The following SIN3A variants were observed in gnomAD, a reference collection of about 807,000 sequenced individuals.
The protein encoded by SIN3A is SIN3 transcription regulator family member A.
In SIN3A, 14 loss-of-function variants were observed where a neutral mutation model predicts 146.1. The ratio of observed to expected loss-of-function variants is 0.10; its 90% CI spans 0.06 to 0.15. The LOEUF (loss-of-function observed/expected upper bound fraction) is 0.15. Ranked by LOEUF, SIN3A falls within the 10% of genes least tolerant of loss-of-function variation. The pLI, the probability that SIN3A is intolerant of heterozygous loss-of-function variation, is 1.00. For synonymous variants in SIN3A, 572 were observed against 572.0 expected (o/e 1.00, Z 0.00); for missense variants, 1,028 against 1,576.0 (o/e 0.65, Z 5.89).
chr15:75,382,683 A>T (rs1182521206), intron 17 of SIN3A, among the ~76,000 whole-genome samples: 1 of 152,236 alleles, frequency 6.6e-6, no homozygotes, highest in Non-Finnish European at 1.5e-5. Flanking sequence ...GCAGTGGCTC[A>T]CACCTGTAAT....
chr15:75,439,732 T>C (rs145025134), intron 1 of SIN3A, among the ~76,000 whole-genome samples: 76 of 152,282 alleles, frequency 5.0e-4, no homozygotes, highest in African/African-American at 1.8e-3. Context: ...TAAAGTTTTT[T>C]AGAACTCTTA....
upstream of SIN3A, chr15:75,451,730 A>G (rs1567443448): frequency 2.1e-5 from 3 of 144,160 alleles, no homozygotes; most frequent in Non-Finnish European, 3.0e-5. Context: ...CCCGCCCCGC[A>G]GAGGGAAGAC....
intron 9 of SIN3A, among the ~76,000 whole-genome samples, chr15:75,406,585 G>A (rs949596850): frequency 2.6e-5 from 4 of 152,176 alleles, no homozygotes; most frequent in African/African-American, 9.6e-5. Flanking sequence ...TACTCGGGAG[G>A]CTGAGGCAGG....
intron 16 of SIN3A, among the ~76,000 whole-genome samples, chr15:75,387,416 G>C (rs951148748): frequency 6.6e-6 from 1 of 151,536 alleles, no homozygotes; most frequent in East Asian, 1.9e-4. Context: ...AGCTACTTGG[G>C]AGGCTGAGGT....
chr15:75,402,033 G>T, intron 9 of SIN3A, 63 bp from the exon 10 acceptor site: 1 of 1,036,876 alleles, frequency 9.6e-7, no homozygotes, highest in Non-Finnish European at 1.5e-6. Context: ...ACTGAAAAGG[G>T]CCTCGCTCTG....
chr15:75,384,954 A>C (rs2073051652), intron 16 of SIN3A, among the ~76,000 whole-genome samples: 1 of 152,098 alleles, frequency 6.6e-6, no homozygotes, highest in Non-Finnish European at 1.5e-5. Context: ...TGGGCCAATC[A>C]CCTGAGGTCA....
At chr15:75,405,977 C>T (rs951691995) in intron 9 of SIN3A, among the ~76,000 whole-genome samples, 4 of 152,140 alleles carry the variant, frequency 2.6e-5, no homozygotes, top group African/African-American at 9.7e-5. Flanking sequence ...AAGGACTCAA[C>T]ACTCTTGCAG....
chr15:75,450,123 C>T (rs1401275619), intron 1 of SIN3A, among the ~76,000 whole-genome samples: 1 of 151,764 alleles, frequency 6.6e-6, no homozygotes, highest in Non-Finnish European at 1.5e-5. Flanking sequence ...ACAATGAAAG[C>T]ATTCAAAAAT....
At chr15:75,407,452 G>A (rs975108292) in intron 8 of SIN3A, among the ~76,000 whole-genome samples, 3 of 151,936 alleles carry the variant, frequency 2.0e-5, no homozygotes, top group Non-Finnish European at 4.4e-5. Flanking sequence ...TTTTTCTAGG[G>A]GCCCAAAGTA....
chr15:75,387,963 C>A (rs770720183), intron 16 of SIN3A, among the ~76,000 whole-genome samples: 1 of 152,176 alleles, frequency 6.6e-6, no homozygotes, highest in Non-Finnish European at 1.5e-5. Flanking sequence ...TATCTGACAA[C>A]TTTCCCCCAG....
intron 16 of SIN3A, among the ~76,000 whole-genome samples, chr15:75,387,207 T>G (rs927861389): frequency 6.6e-6 from 1 of 151,382 alleles, no homozygotes; most frequent in Non-Finnish European, 1.5e-5. Flanking sequence ...GTTAAAGGAG[T>G]TGAGAAGCTT....
At chr15:75,437,108 T>C (rs74023990) in intron 1 of SIN3A, among the ~76,000 whole-genome samples, 1,669 of 151,824 alleles carry the variant, frequency 0.011, 36 homozygotes, top group African/African-American at 0.038. Flanking sequence ...AGCCAAGTCT[T>C]CCATGTATGA....
intron 1 of SIN3A, among the ~76,000 whole-genome samples, chr15:75,450,111 G>A (rs907505465): frequency 2.0e-5 from 3 of 151,834 alleles, no homozygotes; most frequent in Non-Finnish European, 4.4e-5. Context: ...AGAACCATGT[G>A]CACAATGAAA....
chr15:75,389,282 G>GAC (rs2073151774), intron 16 of SIN3A, among the ~76,000 whole-genome samples: 1 of 146,406 alleles, frequency 6.8e-6, no homozygotes, highest in African/African-American at 2.6e-5. Context: ...GCAAAACAGT[G>GAC]ACACCCTGTC....
At chr15:75,451,943 G>A (rs1234628967), upstream of SIN3A, among the ~76,000 whole-genome samples, 2 of 151,356 alleles carry the variant, frequency 1.3e-5, no homozygotes, top group Non-Finnish European at 2.9e-5. Context: ...GCCCACCCCC[G>A]AGCCCCAACA....
chr15:75,453,410 C>G (rs1307660459), upstream of SIN3A: 3 of 152,498 alleles, frequency 2.0e-5, no homozygotes, highest in African/African-American at 7.2e-5. Flanking sequence ...GGAAGCGGCA[C>G]TCCAGCAGAA....
chr15:75,450,906 G>A (rs906954878), intron 1 of SIN3A, among the ~76,000 whole-genome samples: 3 of 152,168 alleles, frequency 2.0e-5, no homozygotes, highest in Non-Finnish European at 2.9e-5. Flanking sequence ...CAAGGGGAGT[G>A]GCATCACGGA....
intron 16 of SIN3A, among the ~76,000 whole-genome samples, chr15:75,386,634 G>C (rs537714892): frequency 6.6e-6 from 1 of 152,174 alleles, no homozygotes; most frequent in Non-Finnish European, 1.5e-5. Context: ...AGCACATGCC[G>C]TATGTTCATC....
intron 3 of SIN3A, among the ~76,000 whole-genome samples, chr15:75,415,096 T>C (rs79507193): frequency 6.6e-6 from 1 of 152,184 alleles, no homozygotes; most frequent in East Asian, 1.9e-4. Context: ...GACTGCAGTG[T>C]TGAGAAAAAA....
Sources: gnomAD v4.1 joint callset for allele counts (sites outside exome capture counted in the v4.1 genomes callset) on GRCh38, gnomAD v4.1.1 for gene constraint, MANE v1.5 for transcripts, NCBI Gene and HGNC (gene_info 2026-07-23, HGNC 2026-07-21) for gene names.